Variants in MAGI2 observed in about 807,000 individuals in gnomAD.
MAGI2 encodes membrane-associated guanylate kinase, WW and PDZ domain-containing protein 2.
Under a neutral mutation model 133.3 loss-of-function variants are expected in MAGI2, and 35 were observed. The ratio of observed to expected loss-of-function variants is 0.26; its 90% CI spans 0.20 to 0.35. MAGI2 has a LOEUF of 0.35. Among genes scored for constraint, MAGI2 ranks in the 10% least tolerant of loss-of-function variants. The pLI is 1.00. For synonymous variants in MAGI2, 729 were observed against 710.6 expected (o/e 1.03, Z -0.41); for missense variants, 1,636 against 1,863.4 (o/e 0.88, Z 2.25).
At chr7:78,763,654 C>T (rs910443822) in intron 2 of MAGI2, among the ~76,000 whole-genome samples, 10 of 152,280 alleles carry the variant, frequency 6.6e-5, no homozygotes, top group Admixed American at 2.6e-4. Flanking sequence ...AGCGAAACCC[C>T]GCTCTTTAGA....
At chr7:78,537,860 C>G (rs769316297) in intron 3 of MAGI2, among the ~76,000 whole-genome samples, 5 of 151,966 alleles carry the variant, frequency 3.3e-5, no homozygotes, top group Non-Finnish European at 7.4e-5. Flanking sequence ...TAAGTGCCAT[C>G]TATTTATCTT....
intron 21 of MAGI2, among the ~76,000 whole-genome samples, chr7:78,065,225 T>G (rs866649926): frequency 4.6e-5 from 7 of 152,168 alleles, no homozygotes; most frequent in African/African-American, 1.7e-4. Flanking sequence ...CTGTCTATAC[T>G]TTGGCTGAGA....
chr7:78,131,062 T>C (rs1821509972), intron 18 of MAGI2, among the ~76,000 whole-genome samples: 1 of 152,220 alleles, frequency 6.6e-6, no homozygotes, highest in Non-Finnish European at 1.5e-5. Flanking sequence ...GGCTGCGAGA[T>C]TAATCGACAG....
chr7:79,346,881 G>A (rs997069548), intron 1 of MAGI2, among the ~76,000 whole-genome samples: 1 of 151,962 alleles, frequency 6.6e-6, no homozygotes, highest in African/African-American at 2.4e-5. Flanking sequence ...CTATACAACT[G>A]ATTATTGCTC....
At chr7:78,927,266 T>C (rs1055389398) in intron 2 of MAGI2, among the ~76,000 whole-genome samples, 1 of 152,000 alleles carries the variant, frequency 6.6e-6, no homozygotes, top group East Asian at 1.9e-4. Context: ...CCCAATATTT[T>C]TTGAGCTTTC....
chr7:78,902,080 T>C (rs1797656432), intron 2 of MAGI2, among the ~76,000 whole-genome samples: 1 of 152,200 alleles, frequency 6.6e-6, no homozygotes, highest in Non-Finnish European at 1.5e-5. Flanking sequence ...TAAAATAATA[T>C]TTACTTTTTC....
At chr7:78,405,684 A>C (rs12536414) in intron 6 of MAGI2, among the ~76,000 whole-genome samples, 43,138 of 151,914 alleles carry the variant, frequency 0.28, 6,773 homozygotes, top group Middle Eastern at 0.41. Flanking sequence ...TTGGAGAAAA[A>C]CACTATTCAT....
At chr7:78,259,268 G>A (rs1049765406) in intron 9 of MAGI2, among the ~76,000 whole-genome samples, 29 of 152,080 alleles carry the variant, frequency 1.9e-4, no homozygotes, top group African/African-American at 6.0e-4. Context: ...CTTAGGTTCA[G>A]GAGGCTGCAA....
chr7:79,169,711 A>G (rs553962394), intron 1 of MAGI2, among the ~76,000 whole-genome samples: 5 of 152,228 alleles, frequency 3.3e-5, no homozygotes, highest in African/African-American at 4.8e-5. Flanking sequence ...AAAGAATCAT[A>G]TAGCAGTTTA....
Position 78,955,775 on chromosome 7 carries a change from T to TTCTTTCTTTCTTTTCTG in MAGI2, c.418+51314_418+51315insCAGAAAAGAAAGAAAGA, listed in dbSNP as rs1562713426. On this transcript the variant is annotated intron_variant, in intron 2 of 21. Transcript: ENST00000354212. ...TTTCTTTCTTTCTTTCTTTCTTTCTTTCTTTCTTTCTTTCATTTCTTTCGT... is the reference window on the plus strand; with the variant it reads ...TTTCTTTCTTTCTTTCTTTCTTTCTTTCTTTCTTTCTTTTCTGTCTTTCTTTCTTTCATTTCTTTCGT... Among the ~76,000 whole-genome samples the TTCTTTCTTTCTTTTCTG allele has an allele frequency of 6.7e-5, 10 of 150,266 alleles. No homozygotes were observed. In the East Asian group the frequency reaches 9.9e-4, roughly 15 times the overall value.
chr7:78,050,380 C>G (rs997088290), intron 21 of MAGI2, among the ~76,000 whole-genome samples: 1 of 152,086 alleles, frequency 6.6e-6, no homozygotes, highest in Non-Finnish European at 1.5e-5. Flanking sequence ...ATAGGCTCTT[C>G]AAATTAAGTC....
intron 2 of MAGI2, among the ~76,000 whole-genome samples, chr7:78,950,821 CTT>C (rs942363064): frequency 1.3e-5 from 2 of 152,036 alleles, no homozygotes; most frequent in South Asian, 2.1e-4. Context: ...ACAGGGAAAA[CTT>C]TTTATTAAAA....
intron 3 of MAGI2, among the ~76,000 whole-genome samples, chr7:78,577,823 A>C (rs62468649): frequency 2.0e-5 from 3 of 151,992 alleles, no homozygotes; most frequent in African/African-American, 4.8e-5. Flanking sequence ...GGCGATCTGG[A>C]TGTGTACGTG....
rs527837690 is a variant in MAGI2, at chr7:78,342,637, G to C, written c.1408+1141C>G. Among the ~76,000 whole-genome samples, 37 of 152,206 alleles carry C rather than the reference G, an allele frequency of 2.4e-4. No homozygotes were observed. The East Asian group carries it at 7.1e-3, about 29-fold the overall frequency. ...TGGAATACTATGCAGCCATAAAAAG[G>C]GATGTGTTCCTGTCCTTTGCAGAGA... On this transcript the variant is annotated intron_variant, in intron 9 of 21. Transcript: ENST00000354212.
intron 6 of MAGI2, among the ~76,000 whole-genome samples, chr7:78,454,315 C>G (rs1021676950): frequency 6.6e-6 from 1 of 152,132 alleles, no homozygotes; most frequent in Non-Finnish European, 1.5e-5. Flanking sequence ...CCTATTTGAG[C>G]CATTTCTTAA....
At chr7:78,310,941 G>A (rs1261687129) in intron 9 of MAGI2, among the ~76,000 whole-genome samples, 1 of 152,180 alleles carries the variant, frequency 6.6e-6, no homozygotes, top group African/African-American at 2.4e-5. Context: ...TCGAAGTAAA[G>A]ATCAAAGGTG....
chr7:78,759,257 T>G (rs2151295443), intron 2 of MAGI2, among the ~76,000 whole-genome samples: 1 of 152,258 alleles, frequency 6.6e-6, no homozygotes, highest in South Asian at 2.1e-4. Context: ...ACACTAGAAC[T>G]TCAAATTTGA....
chr7:78,662,402 A>G (rs997766053), intron 2 of MAGI2, among the ~76,000 whole-genome samples: 2 of 152,154 alleles, frequency 1.3e-5, no homozygotes, highest in Admixed American at 6.5e-5. Flanking sequence ...TTTAGTTACC[A>G]ACAATCGAAA....
chr7:78,546,811 C>T (rs765929896), intron 3 of MAGI2, among the ~76,000 whole-genome samples: 5 of 152,140 alleles, frequency 3.3e-5, no homozygotes, highest in Admixed American at 1.3e-4. Context: ...CATGTTATAA[C>T]GTCTATAAAA....
Sources: allele counts gnomAD v4.1 joint callset (sites outside exome capture counted in the v4.1 genomes callset), GRCh38; gene constraint gnomAD v4.1.1; transcripts MANE v1.5; gene names NCBI Gene and HGNC (gene_info 2026-07-23, HGNC 2026-07-21).